DAB1: variants seen among roughly 807,000 people sequenced by gnomAD.
DAB1 encodes disabled homolog 1.
Under a neutral mutation model 64.6 loss-of-function variants are expected in DAB1, and 15 were observed. That is an observed-to-expected ratio of 0.23 (90% confidence interval 0.16 to 0.36). The LOEUF (loss-of-function observed/expected upper bound fraction) is 0.36. Ranked by LOEUF, DAB1 falls within the 10% of genes least tolerant of loss-of-function variation. The pLI is 1.00. For missense variants in DAB1, 596 were observed against 706.7 expected (o/e 0.84, Z 1.78); for synonymous variants, 235 against 251.9 (o/e 0.93, Z 0.64).
intron 4 of DAB1, among the ~76,000 whole-genome samples, chr1:58,303,020 T>C (rs1413762997): frequency 2.6e-5 from 4 of 152,176 alleles, no homozygotes; most frequent in Non-Finnish European, 4.4e-5. Flanking sequence ...CTCTGCAAAC[T>C]ATATTTTTAA....
chr1:58,290,104 G>GGAC (rs1486142282), intron 4 of DAB1, among the ~76,000 whole-genome samples: 1 of 152,152 alleles, frequency 6.6e-6, no homozygotes, highest in African/African-American at 2.4e-5. Context: ...TAATGGCATA[G>GGAC]GACCCCTTCT....
At chr1:57,211,917 G>A (rs892377742) in intron 2 of DAB1, among the ~76,000 whole-genome samples, 3 of 152,138 alleles carry the variant, frequency 2.0e-5, no homozygotes, top group African/African-American at 7.2e-5. Context: ...TTTATATCAG[G>A]GACTTGGGCA....
At chr1:57,080,008 C>A (rs1397532395) in intron 4 of DAB1, among the ~76,000 whole-genome samples, 1 of 152,150 alleles carries the variant, frequency 6.6e-6, no homozygotes, top group African/African-American at 2.4e-5. Flanking sequence ...AAGTACAGTG[C>A]CTGATGTATA....
intron 7 of DAB1, among the ~76,000 whole-genome samples, chr1:57,568,159 C>A (rs1218226045): frequency 5.9e-5 from 9 of 152,148 alleles, no homozygotes; most frequent in African/African-American, 1.9e-4. Flanking sequence ...AAACCTGACA[C>A]AAACAAGAAA....
intron 1 of DAB1, among the ~76,000 whole-genome samples, chr1:57,324,034 T>C (rs1235735014): frequency 6.6e-6 from 1 of 152,210 alleles, no homozygotes; most frequent in Non-Finnish European, 1.5e-5. Flanking sequence ...CAAATGAAAC[T>C]GCAAAGAGCT....
rs1375712694 is a variant in DAB1, at chr1:57,399,666, T to C, written c.-137+24264A>G. Among the ~76,000 whole-genome samples the C allele has an allele frequency of 2.6e-5, 4 of 152,168 alleles. No homozygotes were observed. The East Asian group carries it at 5.8e-4, about 22-fold the overall frequency. ...ACGTCAATGGTAAGAAGCCTTCATTTTACAGATAAGAAAAATGAGACTGAT... is the reference window on the plus strand; with the variant it reads ...ACGTCAATGGTAAGAAGCCTTCATTCTACAGATAAGAAAAATGAGACTGAT... On this transcript the variant is annotated intron_variant, in intron 1 of 14. Transcript: ENST00000371236.
In DAB1 at chr1:57,195,692, C is replaced by T. The variant is rs1010888369; in HGVS notation, c.68-50263G>A. On this transcript the variant is annotated intron_variant, in intron 2 of 14. Transcript: ENST00000371236. Reference sequence around the variant, plus strand: ...GTCAGACCAGCCTTCATTAAAGCATCTCCTAATTGTGTGACTTTGGGCCAC... The same window carrying T: ...GTCAGACCAGCCTTCATTAAAGCATTTCCTAATTGTGTGACTTTGGGCCAC... Among the ~76,000 whole-genome samples the T allele has an allele frequency of 2.0e-5, 3 of 152,214 alleles. No individual in the cohort carries two copies. The East Asian group carries it at 5.8e-4, about 29-fold the overall frequency.
chr1:58,389,312 C>A (rs1425060058), intron 3 of DAB1, among the ~76,000 whole-genome samples: 1 of 152,134 alleles, frequency 6.6e-6, no homozygotes, highest in South Asian at 2.1e-4. Flanking sequence ...GTGGTGCATG[C>A]CTATAGCCCC....
chr1:57,515,821 G>A (rs1644457905), intron 7 of DAB1, among the ~76,000 whole-genome samples: 1 of 152,202 alleles, frequency 6.6e-6, no homozygotes, highest in African/African-American at 2.4e-5. Context: ...GGCATTTACA[G>A]CCTAACAGGT....
chr1:57,448,959 TCA>T lies in DAB1; in HGVS notation n.626-157795_626-157794del, dbSNP rs1686249250. Reference sequence around the variant, plus strand: ...AACCCCAAGGCTCATTTTCCCATGGTCACACTTTCTTCTCTGTGCTCGACTTT... The same window carrying T: ...AACCCCAAGGCTCATTTTCCCATGGTCACTTTCTTCTCTGTGCTCGACTTT... On this transcript the variant is annotated intron_variant and non_coding_transcript_variant, in intron 7 of 20. Coordinates refer to the DAB1 transcript ENST00000485760. Among the ~76,000 whole-genome samples, 3 of 152,322 alleles carry T rather than the reference TCA, an allele frequency of 2.0e-5. No homozygotes were observed. In the South Asian group the frequency reaches 6.2e-4, roughly 32 times the overall value.
intron 3 of DAB1, among the ~76,000 whole-genome samples, chr1:58,474,605 T>G (rs1569850446): frequency 6.6e-6 from 1 of 152,120 alleles, no homozygotes; most frequent in East Asian, 1.9e-4. Flanking sequence ...TGAATACCTT[T>G]TAGTTAGCTG....
chr1:58,525,178 T>C (rs1646330419), intron 2 of DAB1, among the ~76,000 whole-genome samples: 1 of 152,208 alleles, frequency 6.6e-6, no homozygotes, highest in African/African-American at 2.4e-5. Flanking sequence ...GACTAATATC[T>C]ACATGTATTT....
intron 3 of DAB1, among the ~76,000 whole-genome samples, chr1:58,469,637 T>C (rs1645334846): frequency 6.6e-6 from 1 of 152,208 alleles, no homozygotes; most frequent in Non-Finnish European, 1.5e-5. Flanking sequence ...TTAATCTCAC[T>C]CTAGGGCTAA....
At chr1:57,673,256 A>C (rs543480029) in intron 6 of DAB1, among the ~76,000 whole-genome samples, 1 of 152,068 alleles carries the variant, frequency 6.6e-6, no homozygotes, top group South Asian at 2.1e-4. Context: ...TGAGGGCTCT[A>C]CTCTTCCTAA....
At chr1:57,200,185 CT>C (rs1280635032) in intron 2 of DAB1, among the ~76,000 whole-genome samples, 1 of 152,174 alleles carries the variant, frequency 6.6e-6, no homozygotes, top group Non-Finnish European at 1.5e-5. Context: ...CATCTTAAGC[CT>C]TTTCAGAGAT....
intron 4 of DAB1, among the ~76,000 whole-genome samples, chr1:58,218,887 C>T (rs1362931502): frequency 6.6e-6 from 1 of 152,026 alleles, no homozygotes; most frequent in African/African-American, 2.4e-5. Flanking sequence ...GCATCAGAGA[C>T]TCCTTTTAGA....
chr1:58,198,573 C>G lies in DAB1; in HGVS notation n.310-47985G>C, dbSNP rs775693909. On this transcript the variant is annotated intron_variant and non_coding_transcript_variant, in intron 4 of 20. Transcript: ENST00000485760. ...TCCTTTGGTACATCAGTACATTTTCCTCTCGTAACCAACCTCTTCTATATT... is the reference window on the plus strand; with the variant it reads ...TCCTTTGGTACATCAGTACATTTTCGTCTCGTAACCAACCTCTTCTATATT... Among the ~76,000 whole-genome samples, 3 of 152,314 alleles carry G rather than the reference C, an allele frequency of 2.0e-5. No individual in the cohort carries two copies. In the East Asian group the frequency reaches 5.8e-4, roughly 29 times the overall value.
chr1:57,178,197 G>C (rs1313814194), intron 2 of DAB1, among the ~76,000 whole-genome samples: 1 of 151,670 alleles, frequency 6.6e-6, no homozygotes, highest in African/African-American at 2.4e-5. Context: ...ATATAATAAA[G>C]CTGAAAATAT....
chr1:57,821,010 T>C (rs1652092737), intron 6 of DAB1, among the ~76,000 whole-genome samples: 1 of 152,224 alleles, frequency 6.6e-6, no homozygotes, highest in South Asian at 2.1e-4. Context: ...TGGCCAACAC[T>C]TTCCACATTA....
Sources: gnomAD v4.1 joint callset for allele counts (sites outside exome capture counted in the v4.1 genomes callset) on GRCh38, gnomAD v4.1.1 for gene constraint, MANE v1.5 for transcripts, NCBI Gene and HGNC (gene_info 2026-07-23, HGNC 2026-07-21) for gene names.